Variants in RNF150 observed in about 807,000 individuals in gnomAD.
RNF150 encodes the protein ring finger protein 150.
In RNF150, 24 loss-of-function variants were observed where a neutral mutation model predicts 39.3. The ratio of observed to expected loss-of-function variants is 0.61; its 90% confidence interval spans 0.44 to 0.86. RNF150 has a LOEUF of 0.86. Among genes scored for constraint, RNF150 ranks in the 40% least tolerant of loss-of-function variants. The pLI, the probability that RNF150 is intolerant of heterozygous loss-of-function variation, is 0.00. For missense variants in RNF150, 502 were observed against 587.8 expected (o/e 0.85, Z 1.51); for synonymous variants, 255 against 227.3 (o/e 1.12, Z -1.10).
At chr4:141,177,224 T>C (rs1727829022) in intron 1 of RNF150, among the ~76,000 whole-genome samples, 1 of 152,060 alleles carries the variant, frequency 6.6e-6, no homozygotes, top group African/African-American at 2.4e-5. Flanking sequence ...AGTAAGACCT[T>C]ATCTCTTAAA....
At position 140,975,934 on chromosome 4, in the gene RNF150, C is replaced by G. The variant is rs532238768; in HGVS notation, c.485-8061G>C. Among the ~76,000 whole-genome samples the G allele has an allele frequency of 1.5e-4, 23 of 152,246 alleles. No individual in the cohort carries two copies. In the South Asian group the frequency reaches 4.8e-3, roughly 32 times the overall value. On this transcript the variant is annotated intron_variant, in intron 1 of 6. Transcript: ENST00000515673. ...CTCACTCAGATCCTCATTCGATCAT[C>G]GAATCCAACATAATTTCCTTTTTCA...
chr4:141,047,328 C>T (rs900728199), intron 1 of RNF150, among the ~76,000 whole-genome samples: 1 of 152,150 alleles, frequency 6.6e-6, no homozygotes, highest in African/African-American at 2.4e-5. Flanking sequence ...CCCCTTCCTG[C>T]ACTCACACAA....
intron 4 of RNF150, among the ~76,000 whole-genome samples, chr4:140,943,716 C>A (rs1461944039): frequency 3.3e-5 from 5 of 152,124 alleles, no homozygotes. Context: ...TCCACTATTC[C>A]TGGCACACAG....
At chr4:141,076,343 C>T (rs539990814) in intron 1 of RNF150, among the ~76,000 whole-genome samples, 1 of 152,236 alleles carries the variant, frequency 6.6e-6, no homozygotes, top group Admixed American at 6.5e-5. Context: ...ACAACTAGAT[C>T]AGGATATTCA....
At chr4:141,191,092 C>T (rs1438866705) in intron 1 of RNF150, among the ~76,000 whole-genome samples, 2 of 152,150 alleles carry the variant, frequency 1.3e-5, no homozygotes, top group Non-Finnish European at 2.9e-5. Context: ...AGAGATGGGT[C>T]CTTAAATCCA....
intron 1 of RNF150, among the ~76,000 whole-genome samples, chr4:140,976,193 T>C (rs1733658570): frequency 6.6e-6 from 1 of 152,140 alleles, no homozygotes; most frequent in African/African-American, 2.4e-5. Context: ...CACCAGAAGA[T>C]GGTTTGCTGA....
intron 1 of RNF150, among the ~76,000 whole-genome samples, chr4:141,128,744 C>G (rs187899988): frequency 2.2e-4 from 33 of 152,166 alleles, no homozygotes; most frequent in Admixed American, 7.2e-4. Context: ...AGCAGATTCT[C>G]TCTATTAATC....
rs60239559 is a variant in RNF150 at position 141,088,678 on chromosome 4, T to TACACACACACAC, written c.484+43635_484+43646dup. On this transcript the variant is annotated intron_variant, in intron 1 of 6. Coordinates refer to ENST00000515673, the MANE Select transcript of RNF150 (RefSeq NM_020724.2). ...ATAAAGTGTAGAAACACTTTGCTTT[T>TACACACACACAC]ACACACACACACACACACACACACA... 2.9e-3 allele frequency among the ~76,000 whole-genome samples: 418 copies of TACACACACACAC among 146,608 alleles called. 1 individual carries two copies. Among genetic ancestry groups the TACACACACACAC allele is most frequent in the Middle Eastern group, 6.8e-3 (2 of 292 alleles).
intron 1 of RNF150, among the ~76,000 whole-genome samples, chr4:141,008,086 T>G (rs1341246454): frequency 1.3e-5 from 2 of 152,240 alleles, no homozygotes; most frequent in Admixed American, 1.3e-4. Context: ...CTTTATCCAT[T>G]AGGTTGGCTC....
intron 1 of RNF150, among the ~76,000 whole-genome samples, chr4:141,127,675 G>T (rs531826227): frequency 5.3e-5 from 8 of 152,126 alleles, no homozygotes; most frequent in Non-Finnish European, 7.4e-5. Context: ...CAAGGGCCTA[G>T]CATGTTCTCC....
intron 1 of RNF150, among the ~76,000 whole-genome samples, chr4:141,056,731 G>T (rs1332611673): frequency 2.0e-5 from 3 of 151,948 alleles, no homozygotes; most frequent in African/African-American, 4.8e-5. Context: ...AACGCCTCTT[G>T]TTCTCAGCTT....
chr4:141,028,892 C>T (rs1184830897), intron 1 of RNF150, among the ~76,000 whole-genome samples: 1 of 152,068 alleles, frequency 6.6e-6, no homozygotes, highest in East Asian at 1.9e-4. Flanking sequence ...TGCTTTGATA[C>T]AATAACATTG....
chr4:141,154,742 A>G (rs4956351), intron 1 of RNF150, among the ~76,000 whole-genome samples: 81,987 of 152,058 alleles, frequency 0.54, 22,405 homozygotes, highest in East Asian at 0.81. Context: ...ATGAGAAGGT[A>G]AGCTCTCAGG....
At chr4:141,052,179 T>C (rs1430544765) in intron 1 of RNF150, among the ~76,000 whole-genome samples, 1 of 152,018 alleles carries the variant, frequency 6.6e-6, no homozygotes, top group Admixed American at 6.6e-5. Context: ...CACATGAGAA[T>C]TGTAGGAGTT....
chr4:140,946,504 C>T (rs1732317493), intron 4 of RNF150, among the ~76,000 whole-genome samples: 2 of 151,842 alleles, frequency 1.3e-5, no homozygotes, highest in East Asian at 1.9e-4. Context: ...GACAAGGTCT[C>T]GCTGTCGCCC....
intron 2 of RNF150, among the ~76,000 whole-genome samples, chr4:140,959,997 C>T (rs1037431297): frequency 5.3e-5 from 8 of 152,110 alleles, no homozygotes; most frequent in African/African-American, 1.9e-4. Context: ...TTGGTACCCC[C>T]ATTCCTGTCT....
rs149882183 is a variant in RNF150 at position 140,924,598 on chromosome 4, C to A, written c.987+1379G>T. Among the ~76,000 whole-genome samples, 317 of 152,268 alleles carry A rather than the reference C, an allele frequency of 2.1e-3. 1 individual carries two copies. Among genetic ancestry groups the A allele is most frequent in the African/African-American group, 6.9e-3 (288 of 41,556 alleles). ...ATAGACACACATACACACATTTCCC[C>A]CTCCCCTGAAAGACTCAGTTATAGA... On this transcript the variant is annotated intron_variant, in intron 5 of 6. Transcript: ENST00000515673.
intron 1 of RNF150, among the ~76,000 whole-genome samples, chr4:141,122,695 A>G (rs1376887726): frequency 6.6e-6 from 1 of 152,228 alleles, no homozygotes. Flanking sequence ...GAAATTTCAA[A>G]ATGTATGATT....
At chr4:140,986,779 C>T (rs1434627941) in intron 1 of RNF150, among the ~76,000 whole-genome samples, 2 of 151,822 alleles carry the variant, frequency 1.3e-5, no homozygotes, top group Non-Finnish European at 2.9e-5. Flanking sequence ...GTCCTAGTCA[C>T]AGTAATCAGG....
Sources: allele counts gnomAD v4.1 joint callset (sites outside exome capture counted in the v4.1 genomes callset), GRCh38; gene constraint gnomAD v4.1.1; transcripts MANE v1.5; gene names NCBI Gene and HGNC (gene_info 2026-07-23, HGNC 2026-07-21).